The following DNMT1 variants were observed in gnomAD, a reference collection of about 807,000 sequenced individuals.
The protein encoded by DNMT1 is DNA methyltransferase 1.
Under a neutral mutation model 205.3 loss-of-function variants are expected in DNMT1, and 24 were observed. The observed-to-expected ratio is 0.12, with a 90% CI of 0.08 to 0.16. The LOEUF (loss-of-function observed/expected upper bound fraction) is 0.16, where lower values mean the gene tolerates loss of function less well. DNMT1 is among the 10% of genes least tolerant of loss of function. The pLI is 1.00. For synonymous variants in DNMT1, 817 were observed against 839.8 expected (o/e 0.97, Z 0.47); for missense variants, 1,293 against 2,177.7 (o/e 0.59, Z 8.09).
Position 10,139,795 on chromosome 19 carries a change from G to A in DNMT1, c.3829C>T (p.Arg1277Trp), listed in dbSNP as rs1052868434. The A allele has an allele frequency of 2.5e-6, 4 of 1,591,240 alleles. No individual in the cohort carries two copies. The highest frequency in any genetic ancestry group is 2.6e-6 in the Non-Finnish European group (3 of 1,169,062). ...FLSYCDYYRP[R>W]FFLLENVRNF... ...CTGACATTCTCCAGGAGGAAGAACC[G>A]GGGCCGGTAGTAGTCGCAGTAGCTG... is the stretch of plus-strand genomic sequence containing the variant. The change falls in exon 34 of 41, where the codon CGG becomes TGG. Residue 1277 changes from arginine (R) to tryptophan (W), a missense_variant. Transcript: ENST00000359526.
intron 1 of DNMT1, 181 bp downstream of exon 1, chr19:10,194,639 C>T: frequency 2.5e-6 from 2 of 794,840 alleles, no homozygotes; most frequent in Non-Finnish European, 3.7e-6. Flanking sequence ...CGCCAAACAG[C>T]CCGGGCACGC....
At chr19:10,167,015 A>G (rs1393888211) in intron 10 of DNMT1, among the ~76,000 whole-genome samples, 5 of 152,030 alleles carry the variant, frequency 3.3e-5, no homozygotes, top group African/African-American at 1.2e-4. Flanking sequence ...CTAGGTTGAG[A>G]GCTGGGCTGA....
chr19:10,140,193 G>A lies in DNMT1; in HGVS notation c.3659C>T (p.Thr1220Ile), dbSNP rs142648642. The A allele has an allele frequency of 3.8e-5, 61 of 1,613,910 alleles. No individual in the cohort carries two copies. Among genetic ancestry groups the A allele is most frequent in the Non-Finnish European group, 4.5e-5 (53 of 1,180,044 alleles). ...GGGCAGCCGCTGGCCGCGGGAGTTG[G>A]TGGTCTCCCCAGCCATGACCAGCTT... is the stretch of plus-strand genomic sequence containing the variant. ...LLKLVMAGET[T>I]NSRGQRLPQK... The change falls in exon 33 of 41, where the codon ACC becomes ATC. Residue 1220 changes from threonine to isoleucine, a missense_variant. Coordinates refer to ENST00000359526, the MANE Select transcript of DNMT1 (RefSeq NM_001130823.3). The surrounding 1 kb of genome is among the most constrained non-coding windows in gnomAD (Gnocchi z 8.4).
At chr19:10,160,481 T>C in intron 13 of DNMT1, 63 bp from the exon 14 acceptor site, 1 of 1,575,658 alleles carries the variant, frequency 6.3e-7, no homozygotes, top group Non-Finnish European at 8.7e-7. Flanking sequence ...AGATAGTGCT[T>C]CGGTGTTAAG....
intron 24 of DNMT1, among the ~76,000 whole-genome samples, chr19:10,150,528 C>T (rs968546280): frequency 3.9e-5 from 6 of 152,244 alleles, no homozygotes; most frequent in Non-Finnish European, 8.8e-5. Context: ...TGCCATGCAG[C>T]AGTACCCATG....
At chr19:10,150,112 C>A in intron 24 of DNMT1, 144 bp from the exon 25 acceptor site, 2 of 764,002 alleles carry the variant, frequency 2.6e-6, no homozygotes, top group Non-Finnish European at 4.6e-6. Flanking sequence ...AGAGAACATC[C>A]TGTTCTACAA....
At chr19:10,180,672 C>A in intron 3 of DNMT1, 103 bp from the exon 4 acceptor site, 1 of 1,476,302 alleles carries the variant, frequency 6.8e-7, no homozygotes, top group South Asian at 1.1e-5. Context: ...TCATCATCAT[C>A]ATCAGGCAAT....
intron 5 of DNMT1, chr19:10,178,745 A>G (rs2038983421): frequency 1.3e-5 from 2 of 151,840 alleles, no homozygotes; most frequent in African/African-American, 4.8e-5. Context: ...CTCTCTCAAA[A>G]ATAATAATAA....
At position 10,138,218 on chromosome 19, in the gene DNMT1, C is replaced by T. The variant is rs149568166; in HGVS notation, c.4116-209G>A. ...TTGTGGATGACCACAGCCAAGCATG[C>T]GGCTGGCCGCTCTGCACATGCTATC... On this transcript the variant is annotated intron_variant, in intron 35 of 40. Transcript: ENST00000359526. This position sits in a 1 kb window ranked among gnomAD's most constrained non-coding sequence, Gnocchi z 4.1. Among the ~76,000 whole-genome samples the T allele has an allele frequency of 3.9e-5, 6 of 152,340 alleles. No homozygotes were observed. The highest frequency in any genetic ancestry group is 7.4e-5 in the Non-Finnish European group (5 of 68,024).
At chr19:10,164,029 C>T (rs915402784) in intron 11 of DNMT1, among the ~76,000 whole-genome samples, 3 of 152,142 alleles carry the variant, frequency 2.0e-5, no homozygotes, top group Non-Finnish European at 2.9e-5. Context: ...GCCCAGAGGG[C>T]ATTTACTACT....
Position 10,180,552 on chromosome 19 carries a change from T to G in DNMT1, c.243A>C (p.Lys81Asn). The change falls in exon 4 of 41, where the codon AAA becomes AAC. Residue 81 changes from lysine (K) to asparagine (N), a missense_variant. By Grantham distance (94) the Lys-to-Asn change is moderately conservative. This residue lies in a region of DNMT1 where 394 missense variants were observed against 451.6 expected (regional missense o/e 0.87). Transcript: ENST00000359526. Reference sequence around the variant, plus strand: ...AATCTTTATTTAAAAGGGATTTGACTTTAGCCAGGTAGCCCTCCTACAGCA... The same window carrying G: ...AATCTTTATTTAAAAGGGATTTGACGTTAGCCAGGTAGCCCTCCTACAGCA... ...EELSEEGYLA[K>N]VKSLLNKDLS... The G allele has an allele frequency of 6.2e-7, 1 of 1,614,140 alleles. No individual in the cohort carries two copies. Among genetic ancestry groups the G allele is most frequent in the Non-Finnish European group, 8.5e-7 (1 of 1,180,036 alleles).
At position 10,156,792 on chromosome 19, in the gene DNMT1, AT is replaced by A. The variant is rs2038465885; in HGVS notation, c.1281-284del. ...ACCACCATGCCCGGCTAATTGTTGT[AT>A]TTTTAGTAGGGACGGGGTTTCACTA... On this transcript the variant is annotated intron_variant, in intron 17 of 40. Transcript: ENST00000359526. The surrounding 1 kb of genome is among the most constrained non-coding windows in gnomAD (Gnocchi z 4.2). Among the ~76,000 whole-genome samples, 1 of 151,882 alleles carries A rather than the reference AT, an allele frequency of 6.6e-6. No individual in the cohort carries two copies. Among genetic ancestry groups the A allele is most frequent in the Non-Finnish European group, 1.5e-5 (1 of 67,982 alleles).
chr19:10,136,006 G>T (rs2089473652), intron 38 of DNMT1, 115 bp downstream of exon 38: 1 of 1,527,138 alleles, frequency 6.5e-7, no homozygotes, highest in African/African-American at 1.4e-5. Flanking sequence ...GCAGAGGCCA[G>T]GTGCCTGGGG....
Position 10,148,961 on chromosome 19 carries a change from G to A in DNMT1, c.2643C>T (p.Tyr881=), listed in dbSNP as rs2038269239. ...LEGDDGKTYF[Y]QLWYDQDYAR... is the part of the protein sequence containing the mutation. ...CGTAGTCTTGATCATACCACAGCTG[G>A]TAGAAGTAGGTCTTCCCGTCGTCCC... Residue 881 remains tyrosine (Y), a synonymous_variant, in exon 27 of 41, where the codon TAC becomes TAT. Coordinates refer to ENST00000359526, the MANE Select transcript of DNMT1 (RefSeq NM_001130823.3). 1.2e-6 allele frequency: 2 copies of A among 1,614,156 alleles called. No individual in the cohort carries two copies. The highest frequency in any genetic ancestry group is 1.7e-6 in the Non-Finnish European group (2 of 1,180,026).
chr19:10,134,377 C>A (rs1036273341), intron 39 of DNMT1, 70 bp from the exon 40 acceptor site: 1 of 1,437,686 alleles, frequency 7.0e-7, no homozygotes, highest in South Asian at 1.2e-5. Context: ...AGGTGTACTG[C>A]CAGCCCCTGC....
At chr19:10,155,193 G>T in intron 19 of DNMT1, 137 bp from the exon 20 acceptor site, 1 of 1,195,052 alleles carries the variant, frequency 8.4e-7, no homozygotes, top group Non-Finnish European at 1.2e-6. Context: ...GAAACATAGG[G>T]CACAACACAT....
chr19:10,155,122 G>T lies in DNMT1; in HGVS notation c.1493-66C>A, dbSNP rs1599366701. On this transcript the variant is annotated intron_variant, in intron 19 of 40. Transcript: ENST00000359526. Reference sequence around the variant, plus strand: ...TGATGGCGCCTACAGTGGCCACAGGGCATGGAGGAGTCTACCAAACTCACC... The same window carrying T: ...TGATGGCGCCTACAGTGGCCACAGGTCATGGAGGAGTCTACCAAACTCACC... 5 of 1,600,490 alleles carry T rather than the reference G, an allele frequency of 3.1e-6. No homozygotes were observed. In the East Asian group the frequency reaches 1.1e-4, roughly 36 times the overall value.
chr19:10,150,220 C>T (rs1253686835), intron 24 of DNMT1, among the ~76,000 whole-genome samples: 1 of 152,208 alleles, frequency 6.6e-6, no homozygotes, highest in Admixed American at 6.5e-5. Flanking sequence ...CTCTGCCACT[C>T]GGGTCCCAGG....
At chr19:10,152,365 T>C (rs574325536) in intron 22 of DNMT1, among the ~76,000 whole-genome samples, 11 of 151,084 alleles carry the variant, frequency 7.3e-5, no homozygotes, top group African/African-American at 2.7e-4. Context: ...GGCTCATACC[T>C]GAACCAGTAC....
Sources: gnomAD v4.1 joint callset for allele counts (sites outside exome capture counted in the v4.1 genomes callset) on GRCh38, gnomAD v4.1.1 for gene constraint, gnomAD v4.1.1 regional missense constraint, Gnocchi (gnomAD v3.1) non-coding constraint, MANE v1.5 for transcripts, NCBI Gene and HGNC (gene_info 2026-07-23, HGNC 2026-07-21) for gene names.